The following WWC1 variants were observed in gnomAD, a reference collection of about 807,000 sequenced individuals.
WWC1 encodes protein KIBRA.
In WWC1, 55 loss-of-function variants were observed where a neutral mutation model predicts 138.4. That is an observed-to-expected ratio of 0.40 (90% CI 0.32 to 0.50). The LOEUF is 0.50. Among genes scored for constraint, WWC1 ranks in the 20% least tolerant of loss-of-function variants. WWC1 has a pLI of 0.72. For synonymous variants in WWC1, 524 were observed against 564.9 expected, an observed-to-expected ratio of 0.93 and a Z score of 1.03; for missense variants, 1,226 against 1,420.4, an observed-to-expected ratio of 0.86 and a Z score of 2.20.
intron 11 of WWC1, among the ~76,000 whole-genome samples, chr5:168,425,049 A>G (rs1022515287): frequency 6.6e-6 from 1 of 152,226 alleles, no homozygotes; most frequent in African/African-American, 2.4e-5. Context: ...TGCTTGATAC[A>G]TGGTGAAATC....
chr5:168,384,878 G>A (rs965531362), intron 2 of WWC1, among the ~76,000 whole-genome samples: 1 of 151,898 alleles, frequency 6.6e-6, no homozygotes, highest in African/African-American at 2.4e-5. Context: ...CCACCATACT[G>A]GCTAATTTTT....
At chr5:168,312,815 CTTTTTTTT>C (rs763253959) in intron 1 of WWC1, among the ~76,000 whole-genome samples, 111 of 123,772 alleles carry the variant, frequency 9.0e-4, no homozygotes, top group African/African-American at 3.2e-3. Flanking sequence ...ATCCTAAGTA[CTTTTTTTT>C]TTTTTTTTTT....
chr5:168,417,491 T>C (rs1256175120), intron 9 of WWC1, among the ~76,000 whole-genome samples: 1 of 152,102 alleles, frequency 6.6e-6, no homozygotes, highest in African/African-American at 2.4e-5. Flanking sequence ...ATCCCCATTT[T>C]AAAAATGAGG....
chr5:168,296,073 T>G (rs1158345349), intron 1 of WWC1, among the ~76,000 whole-genome samples: 1 of 152,202 alleles, frequency 6.6e-6, no homozygotes, highest in African/African-American at 2.4e-5. Flanking sequence ...GGTGCTTTTG[T>G]GAGCTCTAGC....
In WWC1 at chr5:168,399,544, G is replaced by A. The variant is rs2152831334; in HGVS notation, c.567G>A (p.Glu189=). The A allele has an allele frequency of 1.9e-6, 3 of 1,614,152 alleles. No homozygotes were observed. Among genetic ancestry groups the A allele is most frequent in the Non-Finnish European group, 2.5e-6 (3 of 1,180,020 alleles). The change falls in exon 5 of 23, where the codon GAG becomes GAA. Residue 189 remains glutamate (E), a synonymous_variant. Coordinates refer to ENST00000265293, the MANE Select transcript of WWC1 (RefSeq NM_015238.3). ...VHLQHELQFK[E]RGFQTLKKID... The stretch of plus-strand genomic sequence containing the variant: ...TCCAGCACGAGCTGCAGTTCAAAGA[G>A]CGTGGCTTTCAGACCCTGAAGAAGT...
chr5:168,414,050 T>G, intron 8 of WWC1: 1 of 355,936 alleles, frequency 2.8e-6, no homozygotes, highest in Non-Finnish European at 5.1e-6. Context: ...ACACAGCCAG[T>G]GCTAAGAGGT....
intron 2 of WWC1, among the ~76,000 whole-genome samples, chr5:168,377,415 C>A (rs1777273756): frequency 6.6e-6 from 1 of 152,054 alleles, no homozygotes; most frequent in South Asian, 2.1e-4. Context: ...GCAACAAAAA[C>A]TAAAATTGAC....
At chr5:168,418,288 T>C (rs528569773) in intron 9 of WWC1, among the ~76,000 whole-genome samples, 2 of 152,252 alleles carry the variant, frequency 1.3e-5, no homozygotes, top group African/African-American at 4.8e-5. Flanking sequence ...CCCGAGGGCC[T>C]TCCCCACTGC....
At chr5:168,391,175 T>C (rs1326372605) in intron 3 of WWC1, among the ~76,000 whole-genome samples, 1 of 152,212 alleles carries the variant, frequency 6.6e-6, no homozygotes, top group African/African-American at 2.4e-5. Context: ...CCTTATCATA[T>C]TTTTCCCCTC....
chr5:168,319,450 C>T (rs1186287307), intron 1 of WWC1, among the ~76,000 whole-genome samples: 1 of 152,122 alleles, frequency 6.6e-6, no homozygotes, highest in Admixed American at 6.6e-5. Flanking sequence ...GTGTTTGTTG[C>T]CCCTGCTTTC....
chr5:168,310,206 T>C (rs904089026), intron 1 of WWC1, among the ~76,000 whole-genome samples: 3 of 152,288 alleles, frequency 2.0e-5, no homozygotes, highest in African/African-American at 7.2e-5. Context: ...CTTTCCCCTG[T>C]AATATTTTTG....
At chr5:168,375,567 TTTTTC>T (rs527918649) in intron 2 of WWC1, among the ~76,000 whole-genome samples, 2 of 152,084 alleles carry the variant, frequency 1.3e-5, no homozygotes, top group Non-Finnish European at 2.9e-5. Flanking sequence ...TTTTTTTGTT[TTTTTC>T]TTTTCTTTTC....
At chr5:168,405,500 C>G (rs962957479) in intron 5 of WWC1, among the ~76,000 whole-genome samples, 16 of 152,204 alleles carry the variant, frequency 1.1e-4, no homozygotes, top group African/African-American at 3.6e-4. Flanking sequence ...ACCGCATAAA[C>G]TATAAATTAT....
At chr5:168,392,278 C>T (rs1314232443) in intron 3 of WWC1, among the ~76,000 whole-genome samples, 2 of 152,108 alleles carry the variant, frequency 1.3e-5, no homozygotes, top group Non-Finnish European at 2.9e-5. Flanking sequence ...GGTCATTACC[C>T]TCTAGGCTGG....
chr5:168,316,170 C>G (rs1030518440), intron 1 of WWC1, among the ~76,000 whole-genome samples: 1 of 152,142 alleles, frequency 6.6e-6, no homozygotes, highest in Admixed American at 6.6e-5. Flanking sequence ...ACGATTTTCT[C>G]TGTGAGGCTC....
At chr5:168,415,092 G>A (rs981187532) in intron 9 of WWC1, 8 of 165,378 alleles carry the variant, frequency 4.8e-5, no homozygotes, top group Admixed American at 1.7e-4. Context: ...TTTGCAGTTT[G>A]AAAAACACTG....
chr5:168,467,223 A>G (rs1217680415), intron 21 of WWC1, among the ~76,000 whole-genome samples: 1 of 152,162 alleles, frequency 6.6e-6, no homozygotes, highest in African/African-American at 2.4e-5. Context: ...GCGCCCCTAC[A>G]CTCCAGCCTG....
intron 2 of WWC1, among the ~76,000 whole-genome samples, chr5:168,372,000 A>G (rs372766867): frequency 1.3e-5 from 2 of 152,072 alleles, no homozygotes; most frequent in South Asian, 2.1e-4. Flanking sequence ...GCATGTATGC[A>G]TATATGTCCA....
chr5:168,422,954 T>C (rs1046746781), intron 10 of WWC1, among the ~76,000 whole-genome samples: 1 of 152,024 alleles, frequency 6.6e-6, no homozygotes, highest in Non-Finnish European at 1.5e-5. Context: ...GAGACTAGCC[T>C]GGGCAACACG....
Sources: allele counts gnomAD v4.1 joint callset (sites outside exome capture counted in the v4.1 genomes callset), GRCh38; gene constraint gnomAD v4.1.1; transcripts MANE v1.5; gene names NCBI Gene and HGNC (gene_info 2026-07-23, HGNC 2026-07-21).